CAPZB: variants seen among roughly 807,000 people sequenced by gnomAD.
The protein encoded by CAPZB is F-actin-capping protein subunit beta.
Under a neutral mutation model 38.1 loss-of-function variants are expected in CAPZB, and 2 were observed. The ratio of observed to expected loss-of-function variants is 0.05; its 90% CI spans 0.02 to 0.17. CAPZB has a LOEUF of 0.17. Among genes scored for constraint, CAPZB ranks in the 10% least tolerant of loss-of-function variants. The probability of loss-of-function intolerance (pLI) is 1.00; values close to 1 mark genes in which losing one functional copy is unlikely to be tolerated. For synonymous variants in CAPZB, 107 were observed against 127.4 expected (o/e 0.84, Z 1.08); for missense variants, 161 against 334.2 (o/e 0.48, Z 4.04).
intron 4 of CAPZB, chr1:19,374,486 A>G (rs1287071264): frequency 6.6e-6 from 1 of 152,348 alleles, no homozygotes; most frequent in African/African-American, 2.4e-5. Flanking sequence ...CCCTGTCAAC[A>G]CAGTCTGCTC....
chr1:19,354,964 T>C (rs214343), intron 6 of CAPZB, among the ~76,000 whole-genome samples: 96,277 of 151,932 alleles, frequency 0.63, 30,687 homozygotes, highest in South Asian at 0.68. Context: ...AAGTGCCCCC[T>C]GTGTGCACTA....
chr1:19,477,009 C>T (rs992097764), intron 1 of CAPZB, among the ~76,000 whole-genome samples: 1 of 152,234 alleles, frequency 6.6e-6, no homozygotes, highest in Non-Finnish European at 1.5e-5. Flanking sequence ...CAGCAAGTTA[C>T]TACACCTCTC....
chr1:19,393,231 A>G (rs2094247068), intron 2 of CAPZB, among the ~76,000 whole-genome samples: 1 of 152,364 alleles, frequency 6.6e-6, no homozygotes, highest in Admixed American at 6.5e-5. Context: ...GCACCTGCAC[A>G]GGCGGCAGCT....
rs2094539216 is a variant in CAPZB, at chr1:19,458,184, G to A, written c.3+27252C>T. 2.7e-5 allele frequency among the ~76,000 whole-genome samples: 4 copies of A among 150,842 alleles called. No homozygotes were observed. In the South Asian group the frequency reaches 8.4e-4, roughly 32 times the overall value. ...GCTTTCCACAATGATGCTTTATTAA[G>A]TTGAACTACATGAAATTGCCAACAC... is the stretch of plus-strand genomic sequence containing the variant. On this transcript the variant is annotated intron_variant, in intron 1 of 8. Coordinates refer to ENST00000264202, the MANE Select transcript of CAPZB (RefSeq NM_004930.5).
chr1:19,431,224 C>T (rs1029578193), intron 1 of CAPZB, among the ~76,000 whole-genome samples: 6 of 152,128 alleles, frequency 3.9e-5, no homozygotes, highest in Non-Finnish European at 5.9e-5. Context: ...ACTTTTTGAG[C>T]GAAGACATGA....
intron 1 of CAPZB, among the ~76,000 whole-genome samples, chr1:19,430,389 G>GT (rs548423398): frequency 2.6e-5 from 4 of 152,244 alleles, no homozygotes; most frequent in East Asian, 3.9e-4. Flanking sequence ...TTCCACTGTA[G>GT]TTTTTTTGGA....
At chr1:19,436,542 T>C (rs896509733) in intron 1 of CAPZB, among the ~76,000 whole-genome samples, 6 of 152,214 alleles carry the variant, frequency 3.9e-5, no homozygotes, top group African/African-American at 9.6e-5. Flanking sequence ...GAGTCTTCTA[T>C]CTAAAATTTT....
At chr1:19,440,226 C>A (rs566234328) in intron 1 of CAPZB, among the ~76,000 whole-genome samples, 1 of 151,998 alleles carries the variant, frequency 6.6e-6, no homozygotes, top group Non-Finnish European at 1.5e-5. Flanking sequence ...TTTGGAGAGA[C>A]GGGGTTTCAC....
intron 1 of CAPZB, among the ~76,000 whole-genome samples, chr1:19,432,042 CAAAAAAAAAAAAAA>C (rs10583269): frequency 4.9e-5 from 6 of 122,540 alleles, no homozygotes; most frequent in Admixed American, 1.7e-4. Flanking sequence ...GATCCTGTCT[CAAAAAAAAAAAAAA>C]AAAAAAAAAG....
At chr1:19,365,691 G>A (rs991874093) in intron 4 of CAPZB, among the ~76,000 whole-genome samples, 6 of 151,986 alleles carry the variant, frequency 3.9e-5, no homozygotes, top group East Asian at 1.9e-4. Context: ...AAAATTAGTC[G>A]GGCGTGGTGG....
intron 1 of CAPZB, among the ~76,000 whole-genome samples, chr1:19,435,994 C>G (rs114146669): frequency 0.034 from 5,208 of 152,300 alleles, 136 homozygotes; most frequent in African/African-American, 0.068. Context: ...CCTGACTCCA[C>G]CGGGTCCCAG....
chr1:19,365,205 G>C (rs956917351), intron 4 of CAPZB, among the ~76,000 whole-genome samples: 3 of 152,098 alleles, frequency 2.0e-5, no homozygotes, highest in Admixed American at 2.0e-4. Context: ...TGAGAACTTG[G>C]TAGACTGGAC....
At chr1:19,402,813 C>T (rs548600580) in intron 2 of CAPZB, among the ~76,000 whole-genome samples, 6 of 152,118 alleles carry the variant, frequency 3.9e-5, no homozygotes, top group African/African-American at 1.4e-4. Flanking sequence ...TTTGGAAGGC[C>T]GAGGCGGGTA....
intron 2 of CAPZB, among the ~76,000 whole-genome samples, chr1:19,410,927 C>T (rs1326794027): frequency 6.6e-6 from 1 of 152,136 alleles, no homozygotes; most frequent in Non-Finnish European, 1.5e-5. Context: ...TCCTCCATTC[C>T]TCAGTTTCCT....
intron 6 of CAPZB, among the ~76,000 whole-genome samples, chr1:19,349,078 G>T (rs2093977890): frequency 6.6e-6 from 1 of 152,150 alleles, no homozygotes; most frequent in Non-Finnish European, 1.5e-5. Flanking sequence ...AACCTCGGCA[G>T]CACTGGAGCG....
chr1:19,342,768 A>T, intron 8 of CAPZB: 7 of 1,610,270 alleles, frequency 4.3e-6, no homozygotes, highest in Non-Finnish European at 5.9e-6. Context: ...CGGCTTAATT[A>T]TCAGGCTGGA....
chr1:19,385,158 G>A (rs900311576), intron 3 of CAPZB, among the ~76,000 whole-genome samples: 9 of 151,996 alleles, frequency 5.9e-5, no homozygotes, highest in African/African-American at 1.9e-4. Flanking sequence ...ACTGCCCTCC[G>A]CAGGACTGAA....
intron 2 of CAPZB, among the ~76,000 whole-genome samples, chr1:19,402,884 C>T (rs2094310729): frequency 6.6e-6 from 1 of 152,072 alleles, no homozygotes; most frequent in Non-Finnish European, 1.5e-5. Context: ...TCCATCTCTA[C>T]TAAAAATACA....
chr1:19,474,477 C>T (rs1226393038), intron 1 of CAPZB, among the ~76,000 whole-genome samples: 1 of 152,158 alleles, frequency 6.6e-6, no homozygotes, highest in Non-Finnish European at 1.5e-5. Context: ...CTACCCCAGG[C>T]TGCCTTCCAA....
Sources: allele counts gnomAD v4.1 joint callset (sites outside exome capture counted in the v4.1 genomes callset), GRCh38; gene constraint gnomAD v4.1.1; transcripts MANE v1.5; gene names NCBI Gene and HGNC (gene_info 2026-07-23, HGNC 2026-07-21).